Variants in FHIP1A observed in about 807,000 individuals in gnomAD.
FHIP1A encodes FHF complex subunit HOOK interacting protein 1A, also known as FHF complex subunit HOOK-interacting protein 1A.
In FHIP1A, 61 loss-of-function variants were observed where a neutral mutation model predicts 88.6. The ratio of observed to expected loss-of-function variants is 0.69; its 90% CI spans 0.56 to 0.85. FHIP1A has a LOEUF of 0.85. Ranked by LOEUF, FHIP1A falls within the 40% of genes least tolerant of loss-of-function variation. The pLI, the probability that FHIP1A is intolerant of heterozygous loss-of-function variation, is 0.00. For synonymous variants in FHIP1A, 478 were observed against 496.0 expected (o/e 0.96, Z 0.48); for missense variants, 1,154 against 1,273.5 (o/e 0.91, Z 1.43).
At chr4:151,519,555 T>C (rs939446269) in intron 3 of FHIP1A, among the ~76,000 whole-genome samples, 6 of 152,178 alleles carry the variant, frequency 3.9e-5, no homozygotes, top group Non-Finnish European at 8.8e-5. Flanking sequence ...CAAGTCTTTT[T>C]GTGGATATGT....
chr4:151,597,329 C>A (rs1184742881), intron 7 of FHIP1A, among the ~76,000 whole-genome samples: 1 of 152,142 alleles, frequency 6.6e-6, no homozygotes, highest in Non-Finnish European at 1.5e-5. Context: ...CCTCTCCAGA[C>A]CCTGTTTGCC....
At chr4:151,421,223 G>T (rs1179030421) in intron 1 of FHIP1A, among the ~76,000 whole-genome samples, 2 of 152,180 alleles carry the variant, frequency 1.3e-5, no homozygotes, top group Non-Finnish European at 2.9e-5. Flanking sequence ...TGAGCTGTGT[G>T]TTCCCAGGAA....
In FHIP1A at chr4:151,650,044, C is replaced by A; in HGVS notation, c.2003C>A (p.Ala668Asp). ...CAGGAGGAAGCTGCTAGGCCACCAG[C>A]TGAAGCCCAGGCTGAAGTTCAGAGT... ...DSQEEAARPP[A>D]EAQAEVQSVP... is the part of the protein sequence containing the mutation. The change falls in exon 11 of 14, where the codon GCT (alanine) becomes GAT (aspartate). Residue 668 changes from alanine to aspartate, a missense_variant. By Grantham distance (126) the Ala-to-Asp change is moderately radical (BLOSUM62 -2). Coordinates refer to ENST00000435205, the MANE Select transcript of FHIP1A (RefSeq NM_001109977.3). 1 of 1,551,684 alleles carries A rather than the reference C, an allele frequency of 6.4e-7. No homozygotes were observed. Among genetic ancestry groups the A allele is most frequent in the Non-Finnish European group, 8.7e-7 (1 of 1,147,004 alleles).
At chr4:151,639,947 G>A (rs1266362976) in intron 9 of FHIP1A, among the ~76,000 whole-genome samples, 2 of 152,136 alleles carry the variant, frequency 1.3e-5, no homozygotes, top group African/African-American at 4.8e-5. Flanking sequence ...TCCACATTGG[G>A]GTTTTGACAT....
chr4:151,524,701 T>A (rs1175904804), intron 3 of FHIP1A, among the ~76,000 whole-genome samples: 1 of 152,228 alleles, frequency 6.6e-6, no homozygotes, highest in Non-Finnish European at 1.5e-5. Flanking sequence ...AGTTTTAATT[T>A]GACATATGAA....
rs1282151236 is a variant in FHIP1A at position 151,589,239 on chromosome 4, T to G, written c.978+313T>G. Among the ~76,000 whole-genome samples, 3 of 152,194 alleles carry G rather than the reference T, an allele frequency of 2.0e-5. No individual in the cohort carries two copies. In the East Asian group the frequency reaches 5.8e-4, roughly 29 times the overall value. ...GTGGCAACTTGGAACTGTCAAGATGTTCTCCAAGGCTGAGTCTGTCATAGA... is the reference window on the plus strand; with the variant it reads ...GTGGCAACTTGGAACTGTCAAGATGGTCTCCAAGGCTGAGTCTGTCATAGA... On this transcript the variant is annotated intron_variant, in intron 7 of 13. Transcript: ENST00000435205.
intron 13 of FHIP1A, among the ~76,000 whole-genome samples, chr4:151,658,219 C>G (rs1737323223): frequency 1.3e-5 from 2 of 152,080 alleles, no homozygotes; most frequent in African/African-American, 4.8e-5. Context: ...CTGCTGCCAC[C>G]CACCCTGTGA....
Position 151,650,236 on chromosome 4 carries a change from C to T in FHIP1A, c.2195C>T (p.Ala732Val). The T allele has an allele frequency of 1.3e-6, 2 of 1,551,744 alleles. No homozygotes were observed. Among genetic ancestry groups the T allele is most frequent in the Non-Finnish European group, 8.7e-7 (1 of 1,147,000 alleles). Residue 732 changes from alanine to valine, a missense_variant, in exon 11 of 14, where the codon GCC becomes GTC. Transcript: ENST00000435205. Reference sequence around the variant, plus strand: ...TCCAACTCAGAGTTAGCATCCCCTGCCCCTGAGGCAGAGCACAGCTCTAAC... The same window carrying T: ...TCCAACTCAGAGTTAGCATCCCCTGTCCCTGAGGCAGAGCACAGCTCTAAC... ...PESNSELASPAPEAEHSSNLT... is the reference protein window; with the variant it reads ...PESNSELASPVPEAEHSSNLT...
At chr4:151,579,721 GTAGA>G (rs1390598969) in intron 5 of FHIP1A, among the ~76,000 whole-genome samples, 1 of 152,194 alleles carries the variant, frequency 6.6e-6, no homozygotes, top group African/African-American at 2.4e-5. Flanking sequence ...TCTACAGCTT[GTAGA>G]TAGTGTATAG....
At chr4:151,573,477 G>T (rs1733674361) in intron 4 of FHIP1A, among the ~76,000 whole-genome samples, 1 of 152,150 alleles carries the variant, frequency 6.6e-6, no homozygotes, top group Admixed American at 6.5e-5. Flanking sequence ...GCCTAACAAA[G>T]TAAATTTGTT....
At chr4:151,468,066 C>T (rs1729386127) in intron 2 of FHIP1A, among the ~76,000 whole-genome samples, 3 of 150,804 alleles carry the variant, frequency 2.0e-5, no homozygotes. Flanking sequence ...GGGCGGATCA[C>T]GAGGTCAGGA....
intron 5 of FHIP1A, 133 bp downstream of exon 5, chr4:151,578,209 G>C (rs1733880542): frequency 2.4e-6 from 2 of 835,846 alleles, no homozygotes; most frequent in Non-Finnish European, 3.6e-6. Context: ...AGGATGTTTA[G>C]AGGAAATCTT....
At chr4:151,531,532 C>G (rs1731878494) in intron 3 of FHIP1A, among the ~76,000 whole-genome samples, 1 of 149,562 alleles carries the variant, frequency 6.7e-6, no homozygotes, top group Non-Finnish European at 1.5e-5. Flanking sequence ...ATGAACCAGT[C>G]TGGCCGAATC....
Position 151,577,570 on chromosome 4 carries a change from A to G in FHIP1A, c.226A>G (p.Ile76Val). Reference sequence around the variant, plus strand: ...CGTAGAACACATGCTCTTCTTGTTGATTGAAGAGCAAGCCAAAGATGCTGC... The same window carrying G: ...CGTAGAACACATGCTCTTCTTGTTGGTTGAAGAGCAAGCCAAAGATGCTGC... ...NYVEHMLFLL[I>V]EEQAKDAAMG... Residue 76 changes from isoleucine (I) to valine (V), a missense_variant, in exon 5 of 14, where the codon ATT becomes GTT. Ile to Val is a conservative substitution (Grantham distance 29, BLOSUM62 3). Coordinates refer to ENST00000435205, the MANE Select transcript of FHIP1A (RefSeq NM_001109977.3). 3 of 1,551,866 alleles carry G rather than the reference A, an allele frequency of 1.9e-6. No individual in the cohort carries two copies.
chr4:151,543,864 A>G (rs1428316345), intron 3 of FHIP1A, among the ~76,000 whole-genome samples: 3 of 152,232 alleles, frequency 2.0e-5, no homozygotes, highest in African/African-American at 7.2e-5. Flanking sequence ...CTTAAAAAAG[A>G]CTTCTGGTAT....
intron 3 of FHIP1A, among the ~76,000 whole-genome samples, chr4:151,528,213 C>T (rs538690412): frequency 6.6e-6 from 1 of 152,166 alleles, no homozygotes; most frequent in Non-Finnish European, 1.5e-5. Context: ...AAAAATAAAT[C>T]TGGATAAATT....
intron 3 of FHIP1A, among the ~76,000 whole-genome samples, chr4:151,549,233 G>A (rs746055106): frequency 1.3e-5 from 2 of 152,074 alleles, no homozygotes; most frequent in Admixed American, 1.3e-4. Flanking sequence ...CTACTGATTC[G>A]GACTGGTGGG....
At position 151,427,773 on chromosome 4, in the gene FHIP1A, C is replaced by G. The variant is rs193129755; in HGVS notation, c.-356+18308C>G. On this transcript the variant is annotated intron_variant, in intron 1 of 13. Transcript: ENST00000435205. ...AGGATGTCAACTACAGAGAGCATAT[C>G]ATGGTAATACAGATATAAAATGACT... 1.9e-3 allele frequency among the ~76,000 whole-genome samples: 286 copies of G among 152,182 alleles called. 1 individual carries two copies. The highest frequency in any genetic ancestry group is 6.8e-3 in the African/African-American group (284 of 41,540).
intron 2 of FHIP1A, among the ~76,000 whole-genome samples, chr4:151,455,818 CAAAT>C (rs1728947441): frequency 6.6e-6 from 1 of 152,090 alleles, no homozygotes; most frequent in African/African-American, 2.4e-5. Flanking sequence ...TTATGTTTAA[CAAAT>C]AGATACCAGG....
Sources: gnomAD v4.1 joint callset for allele counts (sites outside exome capture counted in the v4.1 genomes callset) on GRCh38, gnomAD v4.1.1 for gene constraint, MANE v1.5 for transcripts, NCBI Gene and HGNC (gene_info 2026-07-23, HGNC 2026-07-21) for gene names.